The following MAGI2 variants were observed in gnomAD, a reference collection of about 807,000 sequenced individuals.
MAGI2 encodes membrane associated guanylate kinase, WW and PDZ domain containing 2.
Under a neutral mutation model 133.3 loss-of-function variants are expected in MAGI2, and 35 were observed. The ratio of observed to expected loss-of-function variants is 0.26; its 90% CI spans 0.20 to 0.35. The LOEUF (loss-of-function observed/expected upper bound fraction) is 0.35, where lower values mean the gene tolerates loss of function less well. Among genes scored for constraint, MAGI2 ranks in the 10% least tolerant of loss-of-function variants. The probability of loss-of-function intolerance (pLI) is 1.00; values close to 1 mark genes in which losing one functional copy is unlikely to be tolerated. For synonymous variants in MAGI2, 729 were observed against 710.6 expected, an observed-to-expected ratio of 1.03 and a Z score of -0.41; for missense variants, 1,636 against 1,863.4, an observed-to-expected ratio of 0.88 and a Z score of 2.25.
In MAGI2 at chr7:79,077,574, C is replaced by CAAAAAAAAAAAAAAAAAAA. The variant is rs769770373; in HGVS notation, c.302-70387_302-70369dup. Among the ~76,000 whole-genome samples the CAAAAAAAAAAAAAAAAAAA allele has an allele frequency of 2.1e-4, 5 of 23,786 alleles. 1 individual carries two copies. Among genetic ancestry groups the CAAAAAAAAAAAAAAAAAAA allele is most frequent in the African/African-American group, 7.6e-4 (5 of 6,594 alleles). The allele number at this position is 23,786 out of a possible 152,430, so 15.6% of individuals were successfully genotyped here. On this transcript the variant is annotated intron_variant, in intron 1 of 21. Coordinates refer to ENST00000354212, the MANE Select transcript of MAGI2 (RefSeq NM_012301.4). Reference sequence around the variant, plus strand: ...TGGGCAACAGAGCGAGACTGCCTCTCAAAAAAAAAAAAAAAAAAAAATAAA... The same window carrying CAAAAAAAAAAAAAAAAAAA: ...TGGGCAACAGAGCGAGACTGCCTCTCAAAAAAAAAAAAAAAAAAAAAAAAAAAAAAAAAAAAAAAATAAA...
At chr7:79,196,547 C>T (rs752041963) in intron 1 of MAGI2, among the ~76,000 whole-genome samples, 2 of 151,872 alleles carry the variant, frequency 1.3e-5, no homozygotes, top group Non-Finnish European at 2.9e-5. Flanking sequence ...CTGATGATTC[C>T]TACTTCCCCC....
At chr7:79,234,951 G>A (rs1024544094) in intron 1 of MAGI2, among the ~76,000 whole-genome samples, 5 of 151,942 alleles carry the variant, frequency 3.3e-5, no homozygotes, top group African/African-American at 1.2e-4. Flanking sequence ...TTTGATGATG[G>A]TGATGTACAG....
intron 1 of MAGI2, among the ~76,000 whole-genome samples, chr7:79,013,703 A>G (rs1422924890): frequency 1.3e-5 from 2 of 152,122 alleles, no homozygotes; most frequent in Non-Finnish European, 2.9e-5. Flanking sequence ...TTGATTTCTG[A>G]TGATCTAGAG....
At chr7:78,274,516 A>G (rs192049247) in intron 9 of MAGI2, among the ~76,000 whole-genome samples, 104 of 152,224 alleles carry the variant, frequency 6.8e-4, no homozygotes, top group Non-Finnish European at 1.1e-3. Flanking sequence ...GGGACGTTTA[A>G]GTCTGCTGAA....
intron 6 of MAGI2, among the ~76,000 whole-genome samples, chr7:78,422,741 C>T (rs78848031): frequency 1.1e-4 from 17 of 152,250 alleles, no homozygotes; most frequent in East Asian, 5.8e-4. Flanking sequence ...CTAAATTCTG[C>T]GCTCTTGAAA....
rs539629424 is a variant in MAGI2 at position 79,428,698 on chromosome 7, G to A, written c.301+24322C>T. ...ACAATCAGGAGAGTCTTCAGCAAAT[G>A]GATGCTAATAAAAATGATAGCAGGC... On this transcript the variant is annotated intron_variant, in intron 1 of 21. Transcript: ENST00000354212. Among the ~76,000 whole-genome samples, 3 of 152,196 alleles carry A rather than the reference G, an allele frequency of 2.0e-5. No individual in the cohort carries two copies. In the South Asian group the frequency reaches 6.2e-4, roughly 32 times the overall value.
At chr7:78,471,695 G>T (rs113802463) in intron 6 of MAGI2, among the ~76,000 whole-genome samples, 7,891 of 152,128 alleles carry the variant, frequency 0.052, 262 homozygotes, top group East Asian at 0.088. Flanking sequence ...GGAGAACGAG[G>T]TGGGTGAATC....
At chr7:78,944,976 C>A (rs575055672) in intron 2 of MAGI2, among the ~76,000 whole-genome samples, 1 of 151,448 alleles carries the variant, frequency 6.6e-6, no homozygotes, top group African/African-American at 2.4e-5. Flanking sequence ...TGGGCTCAGG[C>A]GATCTGTCCG....
At chr7:79,178,355 A>G (rs1826299734) in intron 1 of MAGI2, among the ~76,000 whole-genome samples, 1 of 152,040 alleles carries the variant, frequency 6.6e-6, no homozygotes, top group Non-Finnish European at 1.5e-5. Context: ...CCACATAGTT[A>G]TGATAGATAT....
chr7:78,029,014 T>C (rs1205225395), intron 21 of MAGI2, among the ~76,000 whole-genome samples: 10 of 152,150 alleles, frequency 6.6e-5, no homozygotes, highest in Admixed American at 6.5e-4. Context: ...AAAACACTAC[T>C]CTGTTATATT....
At chr7:78,939,598 C>T (rs1004506305) in intron 2 of MAGI2, among the ~76,000 whole-genome samples, 4 of 152,086 alleles carry the variant, frequency 2.6e-5, no homozygotes, top group African/African-American at 9.7e-5. Context: ...ATCAGGTAGT[C>T]TGTTCAACAT....
chr7:78,269,493 G>C (rs908132614), intron 9 of MAGI2, among the ~76,000 whole-genome samples: 1 of 152,120 alleles, frequency 6.6e-6, no homozygotes, highest in African/African-American at 2.4e-5. Context: ...GCATGAGATA[G>C]TATCTCATGG....
At chr7:78,216,534 A>G (rs1162575084) in intron 10 of MAGI2, among the ~76,000 whole-genome samples, 7 of 152,138 alleles carry the variant, frequency 4.6e-5, no homozygotes, top group Admixed American at 1.3e-4. Context: ...CTCAGCTCCT[A>G]TGTGCTTTGC....
At chr7:78,296,613 A>ATATT (rs1584768940) in intron 9 of MAGI2, among the ~76,000 whole-genome samples, 1 of 152,174 alleles carries the variant, frequency 6.6e-6, no homozygotes, top group African/African-American at 2.4e-5. Flanking sequence ...ATACAGATAA[A>ATATT]TATTTTTTTC....
In MAGI2 at chr7:79,274,994, CCTCT is replaced by C. The variant is rs773062678; in HGVS notation, c.301+178022_301+178025del. Among the ~76,000 whole-genome samples the C allele has an allele frequency of 4.9e-4, 75 of 152,218 alleles. 2 individuals are homozygous for C. In the South Asian group the frequency reaches 0.015, roughly 31 times the overall value. On this transcript the variant is annotated intron_variant, in intron 1 of 21. Transcript: ENST00000354212. ...CTGCTCCACTGACCAACCACTTTTT[CCTCT>C]CTCTCTTTCTCTTCAGGCTTCCCTA...
chr7:78,097,733 G>T (rs1817838048), intron 20 of MAGI2, among the ~76,000 whole-genome samples: 1 of 152,014 alleles, frequency 6.6e-6, no homozygotes, highest in Non-Finnish European at 1.5e-5. Context: ...ATTCTTGGGT[G>T]ACAAAATAAT....
chr7:79,007,840 T>C (rs998406551), intron 1 of MAGI2, among the ~76,000 whole-genome samples: 1 of 152,080 alleles, frequency 6.6e-6, no homozygotes, highest in African/African-American at 2.4e-5. Flanking sequence ...ATTTCTTTAT[T>C]TTGTAGTATA....
At chr7:78,284,881 C>T (rs570314269) in intron 9 of MAGI2, among the ~76,000 whole-genome samples, 224 of 152,124 alleles carry the variant, frequency 1.5e-3, no homozygotes, top group Non-Finnish European at 2.6e-3. Context: ...GGCAAAATCA[C>T]GTTTTGAATT....
At chr7:78,034,632 G>A (rs1210515575) in intron 21 of MAGI2, among the ~76,000 whole-genome samples, 10 of 152,020 alleles carry the variant, frequency 6.6e-5, no homozygotes, top group African/African-American at 1.9e-4. Flanking sequence ...GGTTCAAGCA[G>A]TTCTCCTGCC....
Sources: gnomAD v4.1 joint callset for allele counts (sites outside exome capture counted in the v4.1 genomes callset) on GRCh38, gnomAD v4.1.1 for gene constraint, MANE v1.5 for transcripts, NCBI Gene and HGNC (gene_info 2026-07-23, HGNC 2026-07-21) for gene names.